The following PCSK6 variants were observed in gnomAD, a reference collection of about 807,000 sequenced individuals.
PCSK6 encodes paired basic amino acid cleaving enzyme 4.
In PCSK6, 85 loss-of-function variants were observed where a neutral mutation model predicts 123.3. The observed-to-expected ratio is 0.69, with a 90% CI of 0.58 to 0.83. The LOEUF is 0.83. Ranked by LOEUF, PCSK6 falls within the 40% of genes least tolerant of loss-of-function variation. The pLI is 0.00. For synonymous variants in PCSK6, 508 were observed against 516.0 expected (o/e 0.98, Z 0.21); for missense variants, 1,191 against 1,282.3 (o/e 0.93, Z 1.09).
intron 13 of PCSK6, among the ~76,000 whole-genome samples, chr15:101,352,820 A>T (rs1162424019): frequency 6.6e-6 from 1 of 152,206 alleles, no homozygotes; most frequent in Non-Finnish European, 1.5e-5. Flanking sequence ...GTGACGGCTA[A>T]CCCTTCTTTG....
Position 101,307,094 on chromosome 15 carries a change from C to A in PCSK6, c.2812+119G>T, listed in dbSNP as rs990050078. On this transcript the variant is annotated intron_variant, in intron 21 of 21. Coordinates refer to ENST00000611716, the MANE Select transcript of PCSK6 (RefSeq NM_002570.5). Reference sequence around the variant, plus strand: ...CCCAGACAGTCAATCGGATCAGGGGCACGAACGCCTGTCTGTGGAGCCGCC... The same window carrying A: ...CCCAGACAGTCAATCGGATCAGGGGAACGAACGCCTGTCTGTGGAGCCGCC... 3 of 690,818 alleles carry A rather than the reference C, an allele frequency of 4.3e-6. No individual in the cohort carries two copies. The Admixed American group carries it at 6.4e-5, about 15-fold the overall frequency. 42.8% of individuals were successfully genotyped at this position (690,818 alleles called of 1,614,324 possible). A position where few individuals can be genotyped will look rare whatever the true frequency, so the allele number is the denominator to read the frequency against.
rs372191191 is a variant in PCSK6 at position 101,364,022 on chromosome 15, GA to G, written c.1858+2173del. On this transcript the variant is annotated intron_variant, in intron 13 of 21. Transcript: ENST00000611716. Reference sequence around the variant, plus strand: ...GGTCCCAGATCCCTGTAGATGACTTGATGACTTAAAGTCAATTTTCCACGTA... The same window carrying G: ...GGTCCCAGATCCCTGTAGATGACTTGTGACTTAAAGTCAATTTTCCACGTA... Among the ~76,000 whole-genome samples the G allele has an allele frequency of 3.7e-4, 57 of 152,250 alleles. No homozygotes were observed. In the East Asian group the frequency reaches 9.8e-3, roughly 26 times the overall value.
chr15:101,318,338 G>A lies in PCSK6; in HGVS notation c.2550C>T (p.His850=), dbSNP rs1465958869. ...ACTCACCCACGCAGGTTCCGCAGGT[G>A]TGATGGCATTCCCCACATCTGATCA... ...SELIRCGECH[H]TCGTCVGPGR... The change falls in exon 19 of 22, where the codon CAC becomes CAT. Residue 850 remains histidine, a synonymous_variant. Transcript: ENST00000611716. 3.8e-6 allele frequency: 6 copies of A among 1,560,398 alleles called. No individual in the cohort carries two copies. The highest frequency in any genetic ancestry group is 1.2e-5 in the South Asian group (1 of 84,398).
At chr15:101,344,611 G>C (rs755343994) in intron 13 of PCSK6, among the ~76,000 whole-genome samples, 1 of 152,092 alleles carries the variant, frequency 6.6e-6, no homozygotes, top group Non-Finnish European at 1.5e-5. Flanking sequence ...GAATGGATCT[G>C]GTGGGTAAAT....
At chr15:101,487,930 T>C (rs2058057133) in intron 1 of PCSK6, among the ~76,000 whole-genome samples, 1 of 152,154 alleles carries the variant, frequency 6.6e-6, no homozygotes, top group African/African-American at 2.4e-5. Context: ...TGTGTGTATA[T>C]GTGTATATAT....
chr15:101,424,314 C>T (rs1256498682), intron 6 of PCSK6, among the ~76,000 whole-genome samples: 2 of 151,278 alleles, frequency 1.3e-5, no homozygotes, highest in South Asian at 2.1e-4. Flanking sequence ...AATTAACAAT[C>T]GACTCATCGT....
chr15:101,426,874 C>T (rs964120036), intron 6 of PCSK6, among the ~76,000 whole-genome samples: 1 of 152,132 alleles, frequency 6.6e-6, no homozygotes, highest in African/African-American at 2.4e-5. Flanking sequence ...GGCAGGATGG[C>T]AGTGCCCCCC....
At position 101,359,364 on chromosome 15, in the gene PCSK6, C is replaced by T. The variant is rs570912079; in HGVS notation, c.1858+6832G>A. 6.6e-5 allele frequency among the ~76,000 whole-genome samples: 10 copies of T among 152,296 alleles called. 1 individual carries two copies. The highest frequency in any genetic ancestry group is 1.2e-4 in the African/African-American group (5 of 41,550). On this transcript the variant is annotated intron_variant, in intron 13 of 21. Coordinates refer to ENST00000611716, the MANE Select transcript of PCSK6 (RefSeq NM_002570.5). ...TCTACCCACGCTGAGGGGTGGAGAT[C>T]GACCTGTGTCAAGACTTCATTTGGG...
At chr15:101,441,697 G>T (rs1032764677) in intron 2 of PCSK6, among the ~76,000 whole-genome samples, 2 of 152,186 alleles carry the variant, frequency 1.3e-5, no homozygotes, top group Admixed American at 6.5e-5. Context: ...AGAAGACCAA[G>T]AAATCCACGG....
At chr15:101,488,783 G>A (rs1443181279) in intron 1 of PCSK6, among the ~76,000 whole-genome samples, 1 of 151,366 alleles carries the variant, frequency 6.6e-6, no homozygotes, top group African/African-American at 2.4e-5. Flanking sequence ...CGGGCTCCAG[G>A]GTGCAGGCTC....
At chr15:101,479,674 G>C (rs1394975716) in intron 1 of PCSK6, among the ~76,000 whole-genome samples, 1 of 152,150 alleles carries the variant, frequency 6.6e-6, no homozygotes, top group East Asian at 1.9e-4. Flanking sequence ...ACGGTGTGGG[G>C]CACAGGAGCA....
chr15:101,474,598 T>TC (rs2057683757), intron 1 of PCSK6, among the ~76,000 whole-genome samples: 1 of 152,168 alleles, frequency 6.6e-6, no homozygotes, highest in African/African-American at 2.4e-5. Flanking sequence ...AACTTCTATC[T>TC]CTGCTTTTAT....
intron 7 of PCSK6, among the ~76,000 whole-genome samples, chr15:101,393,963 C>T (rs58329356): frequency 0.2 from 29,758 of 152,026 alleles, 3,100 homozygotes; most frequent in South Asian, 0.31. Context: ...ATGAACTCTG[C>T]GTGAAGACAG....
rs555636277 is a variant in PCSK6 at position 101,345,607 on chromosome 15, A to G, written c.1859-13576T>C. On this transcript the variant is annotated intron_variant, in intron 13 of 21. Transcript: ENST00000611716. ...AATATTTTACCAATATTTTACACAG[A>G]CTACATACTTATCAGCTTGATAGCA... Among the ~76,000 whole-genome samples the G allele has an allele frequency of 1.9e-4, 29 of 152,388 alleles. 1 individual carries two copies. Among genetic ancestry groups the G allele is most frequent in the African/African-American group, 6.7e-4 (28 of 41,590 alleles).
chr15:101,449,023 A>T (rs1215796152), intron 1 of PCSK6, among the ~76,000 whole-genome samples: 1 of 152,040 alleles, frequency 6.6e-6, no homozygotes, highest in Admixed American at 6.6e-5. Context: ...GTGTGTGCAT[A>T]TGTATATGGA....
rs1165440155 is a variant in PCSK6 at position 101,394,141 on chromosome 15, T to TG, written c.997-718_997-717insC. 4.8e-4 allele frequency among the ~76,000 whole-genome samples: 39 copies of TG among 81,568 alleles called. 2 individuals carry two copies. In the South Asian group the frequency reaches 8.5e-3, roughly 18 times the overall value. 53.5% of individuals were successfully genotyped at this position (81,568 alleles called of 152,430 possible). ...AGGTTTTCTTTCCGTTTTTTTGTTT[T>TG]TTGTTTTTTTTTTTTTGAGACAGGG... On this transcript the variant is annotated intron_variant, in intron 7 of 21. Transcript: ENST00000611716.
At chr15:101,408,431 CT>C (rs1408618577) in intron 6 of PCSK6, among the ~76,000 whole-genome samples, 16 of 152,256 alleles carry the variant, frequency 1.1e-4, no homozygotes, top group Non-Finnish European at 1.8e-4. Flanking sequence ...CACCCATTCT[CT>C]GCGGGTGTCT....
intron 15 of PCSK6, among the ~76,000 whole-genome samples, chr15:101,330,011 C>T (rs1048014169): frequency 3.3e-5 from 5 of 152,212 alleles, no homozygotes; most frequent in African/African-American, 9.6e-5. Flanking sequence ...GGGGGACAGC[C>T]CAGGGTCTGC....
At chr15:101,318,764 C>T (rs527265130) in intron 18 of PCSK6, among the ~76,000 whole-genome samples, 8 of 152,374 alleles carry the variant, frequency 5.3e-5, no homozygotes, top group Admixed American at 1.3e-4. Flanking sequence ...ACTGGTGGCA[C>T]GCTAGCTCAG....
Sources: allele counts gnomAD v4.1 joint callset (sites outside exome capture counted in the v4.1 genomes callset), GRCh38; gene constraint gnomAD v4.1.1; transcripts MANE v1.5; gene names NCBI Gene and HGNC (gene_info 2026-07-23, HGNC 2026-07-21).